Variants in BMAL2 observed in about 807,000 individuals in gnomAD.
BMAL2 encodes basic helix-loop-helix ARNT like 2.
the BMAL2 span, among the ~76,000 whole-genome samples, chr12:27,407,006 A>G: frequency 6.6e-6 from 1 of 152,240 alleles, no homozygotes; most frequent in Non-Finnish European, 1.5e-5. Flanking sequence ...AGGCCATTAC[A>G]TAATGGTAAA....
the BMAL2 span, among the ~76,000 whole-genome samples, chr12:27,399,720 C>G: frequency 2.6e-5 from 4 of 152,180 alleles, no homozygotes; most frequent in South Asian, 8.3e-4. Flanking sequence ...TAAATCTTAT[C>G]ATAAAAACAG....
chr12:27,375,555 G>A, the BMAL2 span, among the ~76,000 whole-genome samples: 1 of 152,116 alleles, frequency 6.6e-6, no homozygotes, highest in African/African-American at 2.4e-5. Context: ...AATAATCATT[G>A]TATGTATCTA....
chr12:27,404,501 A>G, the BMAL2 span, among the ~76,000 whole-genome samples: 1 of 152,228 alleles, frequency 6.6e-6, no homozygotes. Context: ...GGGCATTATG[A>G]TAACTGTATA....
At chr12:27,406,077 G>A in the BMAL2 span, among the ~76,000 whole-genome samples, 1 of 152,188 alleles carries the variant, frequency 6.6e-6, no homozygotes, top group Non-Finnish European at 1.5e-5. Flanking sequence ...AAGCCTCCAA[G>A]AAATATGGGA....
chr12:27,372,696 C>T, the BMAL2 span, among the ~76,000 whole-genome samples: 6,998 of 151,910 alleles, frequency 0.046, 536 homozygotes, highest in African/African-American at 0.16. Context: ...TTTTTTGAGA[C>T]GGAGTCTCGC....
At chr12:27,374,276 A>T in the BMAL2 span, among the ~76,000 whole-genome samples, 1 of 152,218 alleles carries the variant, frequency 6.6e-6, no homozygotes, top group Non-Finnish European at 1.5e-5. Context: ...TCCAGAAAAA[A>T]AAAAGCAAGT....
At chr12:27,401,276 T>C in the BMAL2 span, 1 of 1,614,078 alleles carries the variant, frequency 6.2e-7, no homozygotes, top group Non-Finnish European at 8.5e-7. Flanking sequence ...GATTTTAGGA[T>C]ATCTGCCTCA....
chr12:27,381,603 C>T, the BMAL2 span, among the ~76,000 whole-genome samples: 1 of 152,146 alleles, frequency 6.6e-6, no homozygotes, highest in Non-Finnish European at 1.5e-5. Context: ...CCACCAGGCC[C>T]CACCTCCAGC....
At chr12:27,401,410 A>T in the BMAL2 span, 1 of 1,560,266 alleles carries the variant, frequency 6.4e-7, no homozygotes, top group African/African-American at 1.4e-5. Context: ...TTAAAATGAC[A>T]GTTTTAACTC....
chr12:27,387,345 C>T, the BMAL2 span: 1 of 1,460,610 alleles, frequency 6.8e-7, no homozygotes, highest in Non-Finnish European at 9.5e-7. Flanking sequence ...GGATATTTTC[C>T]ATACAATGTT....
chr12:27,359,836 T>C, the BMAL2 span, among the ~76,000 whole-genome samples: 1 of 152,154 alleles, frequency 6.6e-6, no homozygotes, highest in Non-Finnish European at 1.5e-5. Context: ...CTTCTGTTTA[T>C]TCCATGAACT....
chr12:27,383,098 A>G, the BMAL2 span, among the ~76,000 whole-genome samples: 32,360 of 152,146 alleles, frequency 0.21, 4,231 homozygotes, highest in African/African-American at 0.37. Context: ...AGTGAAGCAC[A>G]GTGGTTCACA....
At chr12:27,368,913 T>A in the BMAL2 span, among the ~76,000 whole-genome samples, 7 of 152,214 alleles carry the variant, frequency 4.6e-5, no homozygotes, top group African/African-American at 1.7e-4. Context: ...TTTATTTTTG[T>A]TACCCCTGCA....
chr12:27,350,425 C>T, the BMAL2 span, among the ~76,000 whole-genome samples: 1 of 152,168 alleles, frequency 6.6e-6, no homozygotes, highest in Non-Finnish European at 1.5e-5. Flanking sequence ...CAAGGGTCAG[C>T]CTGGGATCTT....
At chr12:27,420,745 C>G in the BMAL2 span, 1 of 453,036 alleles carries the variant, frequency 2.2e-6, no homozygotes, top group South Asian at 7.5e-5. Flanking sequence ...CTCCTTTATT[C>G]AGTGAAATGG....
chr12:27,370,580 G>C, the BMAL2 span, among the ~76,000 whole-genome samples: 9 of 152,144 alleles, frequency 5.9e-5, no homozygotes, highest in Non-Finnish European at 8.8e-5. Context: ...TGTTGGTTTT[G>C]AATGGAGAGC....
chr12:27,403,481 C>G, the BMAL2 span: 1 of 1,611,808 alleles, frequency 6.2e-7, no homozygotes, highest in African/African-American at 1.3e-5. Context: ...TCTACTGGAA[C>G]AGTACTTGGT....
the BMAL2 span, among the ~76,000 whole-genome samples, chr12:27,382,987 C>G: frequency 6.6e-6 from 1 of 152,224 alleles, no homozygotes; most frequent in African/African-American, 2.4e-5. Context: ...CACTTGATCT[C>G]ACCACAGTTT....
the BMAL2 span, among the ~76,000 whole-genome samples, chr12:27,364,057 C>T: frequency 6.6e-6 from 1 of 152,178 alleles, no homozygotes; most frequent in Admixed American, 6.5e-5. Flanking sequence ...GCTCCATCTG[C>T]TTCTACGATG....
Sources: allele counts gnomAD v4.1 joint callset (sites outside exome capture counted in the v4.1 genomes callset), GRCh38; gene constraint gnomAD v4.1.1; transcripts MANE v1.5; gene names NCBI Gene and HGNC (gene_info 2026-07-23, HGNC 2026-07-21).